Variants in DUOXA1 observed in about 807,000 individuals in gnomAD.
DUOXA1 encodes dual oxidase activator 1.
In DUOXA1, 19 loss-of-function variants were observed where a neutral mutation model predicts 26.6. The ratio of observed to expected loss-of-function variants is 0.71; its 90% CI spans 0.50 to 1.05. DUOXA1 has a LOEUF of 1.05. DUOXA1 is among the 50% of genes least tolerant of loss of function. DUOXA1 has a pLI of 0.00. For missense variants in DUOXA1, 403 were observed against 427.5 expected (o/e 0.94, Z 0.51); for synonymous variants, 166 against 177.0 (o/e 0.94, Z 0.49).
At position 45,117,997 on chromosome 15, in the gene DUOXA1, G is replaced by T; in HGVS notation, c.*1109C>A. On this transcript the variant is annotated 3_prime_UTR_variant, in exon 9 of 9. Coordinates refer to ENST00000560572, the MANE Select transcript of DUOXA1 (RefSeq NM_001276266.2). ...CCAGGCCTGGGCCAGGAGAGCTCCA[G>T]GAAGGGCACTGAGCGCTGCTGGCGC... 6.2e-7 allele frequency: 1 copy of T among 1,611,586 alleles called. No individual in the cohort carries two copies. Among genetic ancestry groups the T allele is most frequent in the Non-Finnish European group, 8.5e-7 (1 of 1,178,784 alleles).
chr15:45,121,145 C>G lies in DUOXA1; in HGVS notation c.282G>C (p.Trp94Cys). 1 of 1,614,166 alleles carries G rather than the reference C, an allele frequency of 6.2e-7. No homozygotes were observed. The highest frequency in any genetic ancestry group is 8.5e-7 in the Non-Finnish European group (1 of 1,180,026). The change falls in exon 6 of 9, where the codon TGG (tryptophan) becomes TGC (cysteine). Residue 94 changes from tryptophan to cysteine, a missense_variant. Coordinates refer to ENST00000560572, the MANE Select transcript of DUOXA1 (RefSeq NM_001276266.2). ...CCTGCAGCCCAATATCAGCGCTGAT[C>G]CACTCAGAACTGAAGGCCTTGTATG... The part of the protein sequence containing the change: ...NTSYKAFSSE[W>C]ISADIGLQVG...
At chr15:45,124,195 T>C (rs1418882984) in intron 3 of DUOXA1, among the ~76,000 whole-genome samples, 2 of 152,212 alleles carry the variant, frequency 1.3e-5, no homozygotes, top group African/African-American at 4.8e-5. Flanking sequence ...AAGAATAAGC[T>C]TGGGAGTCAA....
intron 5 of DUOXA1, 127 bp downstream of exon 5, chr15:45,122,057 GC>G: frequency 1.1e-6 from 1 of 940,644 alleles, no homozygotes; most frequent in South Asian, 1.4e-5. Context: ...AAGCATATGG[GC>G]AGGGTCTGGA....
rs1260391722 is a variant in DUOXA1, at chr15:45,129,787, C to T, written c.-303+65G>A. On this transcript the variant is annotated intron_variant, in intron 1 of 8. Transcript: ENST00000560572. This position sits in a 1 kb window ranked among gnomAD's most constrained non-coding sequence, Gnocchi z 4.1. ...TTTTTTCGCCGTCCACACAACCGCA[C>T]TAGCCGGGCCTTCGGCACCGACGGA... 1 of 152,284 alleles carries T rather than the reference C, an allele frequency of 6.6e-6. No individual in the cohort carries two copies. The allele number at this position is 152,284 out of a possible 1,614,324, so 9.4% of individuals were successfully genotyped here.
chr15:45,119,740 C>T (rs2141184193), intron 8 of DUOXA1, among the ~76,000 whole-genome samples: 1 of 151,970 alleles, frequency 6.6e-6, no homozygotes, highest in African/African-American at 2.4e-5. Context: ...GACTGCAGGA[C>T]AATTTAGGGA....
chr15:45,122,759 T>A (rs1473977399), intron 4 of DUOXA1, 109 bp downstream of exon 4: 2 of 1,366,420 alleles, frequency 1.5e-6, no homozygotes, highest in East Asian at 5.0e-5. Context: ...CTATCTTTTC[T>A]CCGCACTGGG....
At position 45,119,112 on chromosome 15, in the gene DUOXA1, A is replaced by C; in HGVS notation, c.1026T>G (p.Ala342=). ...KEAHPKDPDC[A]L is the part of the protein sequence containing the mutation. ...GCCTCCACGGGGAGGAATGTTATAA[A>C]GCACAATCAGGATCTTTGGGGTGTG... Residue 342 remains alanine, a synonymous_variant, in exon 9 of 9, where the codon GCT becomes GCG. Coordinates refer to ENST00000560572, the MANE Select transcript of DUOXA1 (RefSeq NM_001276266.2). 1 of 1,580,786 alleles carries C rather than the reference A, an allele frequency of 6.3e-7. No individual in the cohort carries two copies. The highest frequency in any genetic ancestry group is 1.1e-5 in the South Asian group (1 of 88,906).
intron 6 of DUOXA1, 141 bp from the exon 7 acceptor site, chr15:45,120,946 C>A (rs996726339): frequency 2.7e-6 from 4 of 1,508,808 alleles, no homozygotes; most frequent in African/African-American, 2.8e-5. Flanking sequence ...AATTTCCCTT[C>A]CTACCATGCC....
Position 45,118,326 on chromosome 15 carries a change from G to T in DUOXA1, c.*780C>A, listed in dbSNP as rs541010782. ...CACCCCAGGGGGACGTTAGGTGGCAGTGATGAGGCAGGTCACCCACTCCCC... is the reference window on the plus strand; with the variant it reads ...CACCCCAGGGGGACGTTAGGTGGCATTGATGAGGCAGGTCACCCACTCCCC... On this transcript the variant is annotated 3_prime_UTR_variant, in exon 9 of 9. Transcript: ENST00000560572. 17 of 1,214,522 alleles carry T rather than the reference G, an allele frequency of 1.4e-5. No individual in the cohort carries two copies. In the South Asian group the frequency reaches 5.0e-4, roughly 36 times the overall value. 75.2% of individuals were successfully genotyped at this position (1,214,522 alleles called of 1,614,324 possible). A position where few individuals can be genotyped will look rare whatever the true frequency, so the allele number is the denominator to read the frequency against.
At chr15:45,128,701 T>C (rs1253730522) in intron 3 of DUOXA1, 1 of 152,146 alleles carries the variant, frequency 6.6e-6, no homozygotes, top group Non-Finnish European at 1.5e-5. Flanking sequence ...CTGATGTGGA[T>C]AAGGAATTCA....
intron 6 of DUOXA1, 98 bp from the exon 7 acceptor site, chr15:45,120,903 C>G: frequency 7.3e-6 from 11 of 1,508,206 alleles, no homozygotes; most frequent in Non-Finnish European, 1.0e-5. Context: ...AGGAAGTGGT[C>G]TCAACTGAGA....
Position 45,117,827 on chromosome 15 carries a change from G to A in DUOXA1, c.*1279C>T, listed in dbSNP as rs753869388. On this transcript the variant is annotated 3_prime_UTR_variant, in exon 9 of 9. Transcript: ENST00000560572. ...GCCAAGGACTGCAGCCAGGAGAGAG[G>A]GGGCTCACCTCTTATCCTCGGCGAC... The A allele has an allele frequency of 5.0e-6, 8 of 1,613,866 alleles. No homozygotes were observed. In the Admixed American group the frequency reaches 5.0e-5, roughly 10 times the overall value.
intron 3 of DUOXA1, among the ~76,000 whole-genome samples, chr15:45,127,326 A>G (rs1895758958): frequency 6.6e-6 from 1 of 152,214 alleles, no homozygotes; most frequent in Non-Finnish European, 1.5e-5. Context: ...GGGAGGTTAT[A>G]AAAAAATTTA....
At position 45,122,519 on chromosome 15, in the gene DUOXA1, A is replaced by G. The variant is rs545761426; in HGVS notation, c.148-277T>C. ...AGTGATCCTCCCACCTCAGCCTCCC[A>G]AGTAGCTGCAACTACAGATGCACAC... On this transcript the variant is annotated intron_variant, in intron 4 of 8. Coordinates refer to ENST00000560572, the MANE Select transcript of DUOXA1 (RefSeq NM_001276266.2). Among the ~76,000 whole-genome samples, 4 of 152,030 alleles carry G rather than the reference A, an allele frequency of 2.6e-5. No individual in the cohort carries two copies. The East Asian group carries it at 7.8e-4, about 30-fold the overall frequency.
rs765107564 is a variant in DUOXA1 at position 45,120,299 on chromosome 15, C to T, written c.576G>A (p.Leu192=). Residue 192 remains leucine (L), a synonymous_variant, in exon 8 of 9, where the codon CTG becomes CTA. Coordinates refer to ENST00000560572, the MANE Select transcript of DUOXA1 (RefSeq NM_001276266.2). ...AMLWVAFLCW[L]LANVMLSMPV... ...GCATGGAGAGCATCACATTGGCCAG[C>T]AGCCAGCAGAGGAATGCCACCCTGG... 3 of 1,614,068 alleles carry T rather than the reference C, an allele frequency of 1.9e-6. No homozygotes were observed.
In DUOXA1 at chr15:45,117,469, G is replaced by A; in HGVS notation, c.*1637C>T. The A allele has an allele frequency of 2.6e-6, 4 of 1,548,550 alleles. No homozygotes were observed. The highest frequency in any genetic ancestry group is 1.2e-5 in the South Asian group (1 of 83,744). ...GTTATGACCATTTTACAGATGAAAA[G>A]TGGGGGGCTCAGAAGGGTTTGGTGT... On this transcript the variant is annotated 3_prime_UTR_variant, in exon 9 of 9. Transcript: ENST00000560572.
Position 45,117,675 on chromosome 15 carries a change from A to G in DUOXA1, c.*1431T>C, listed in dbSNP as rs745767509. 1.9e-6 allele frequency: 3 copies of G among 1,613,652 alleles called. No individual in the cohort carries two copies. Among genetic ancestry groups the G allele is most frequent in the Non-Finnish European group, 2.5e-6 (3 of 1,179,890 alleles). On this transcript the variant is annotated 3_prime_UTR_variant, in exon 9 of 9. Coordinates refer to ENST00000560572, the MANE Select transcript of DUOXA1 (RefSeq NM_001276266.2). ...GACCAGCCTGGGCAACATAGCCCTG[A>G]CTCCACATGCCCTCCTTTCTTTCGA...
chr15:45,122,159 C>T, intron 5 of DUOXA1, 26 bp downstream of exon 5: 1 of 1,583,410 alleles, frequency 6.3e-7, no homozygotes, highest in Non-Finnish European at 8.6e-7. Context: ...AGGCAGCAGC[C>T]CAAGTCAGCT....
rs772978364 is a variant in DUOXA1 at position 45,121,121 on chromosome 15, C to T, written c.306G>A (p.Gln102=). 1 of 1,614,190 alleles carries T rather than the reference C, an allele frequency of 6.2e-7. No homozygotes were observed. Among genetic ancestry groups the T allele is most frequent in the Non-Finnish European group, 8.5e-7 (1 of 1,180,034 alleles). ...SEWISADIGL[Q]VGLGGVNITL... ...TGATGTTGACTCCACCCAGCCCGAC[C>T]TGCAGCCCAATATCAGCGCTGATCC... Residue 102 remains glutamine (Q), a synonymous_variant, in exon 6 of 9, where the codon CAG becomes CAA. Transcript: ENST00000560572.
Sources: allele counts gnomAD v4.1 joint callset (sites outside exome capture counted in the v4.1 genomes callset), GRCh38; gene constraint gnomAD v4.1.1; non-coding constraint Gnocchi (gnomAD v3.1); transcripts MANE v1.5; gene names NCBI Gene and HGNC (gene_info 2026-07-23, HGNC 2026-07-21).